PIK3C2B: variants seen among roughly 807,000 people sequenced by gnomAD.
PIK3C2B encodes phosphatidylinositol 4-phosphate 3-kinase C2 domain-containing subunit beta.
A neutral mutation model predicts 184.3 loss-of-function variants in PIK3C2B; 83 were observed. That is an observed-to-expected ratio of 0.45 (90% CI 0.38 to 0.54). PIK3C2B has a LOEUF of 0.54. Ranked by LOEUF, PIK3C2B falls within the 20% of genes least tolerant of loss-of-function variation. PIK3C2B has a pLI of 0.00. For missense variants in PIK3C2B, 1,736 were observed against 2,113.5 expected, an observed-to-expected ratio of 0.82 and a Z score of 3.50; for synonymous variants, 779 against 837.6, an observed-to-expected ratio of 0.93 and a Z score of 1.21.
intron 1 of PIK3C2B, among the ~76,000 whole-genome samples, chr1:204,490,727 C>CA (rs1461879482): frequency 6.7e-6 from 1 of 150,176 alleles, no homozygotes; most frequent in Non-Finnish European, 1.5e-5. Context: ...AGTTCGAGAT[C>CA]AGTCTAGGCA....
intron 27 of PIK3C2B, 28 bp downstream of exon 27, chr1:204,432,172 A>G (rs1350852269): frequency 6.3e-7 from 1 of 1,598,056 alleles, no homozygotes; most frequent in East Asian, 2.2e-5. Flanking sequence ...AGAGCAGGAA[A>G]GGGGGTCAGA....
Position 204,454,683 on chromosome 1 carries a change from G to A in PIK3C2B, c.2052C>T (p.Ile684=), listed in dbSNP as rs61762608. 54,072 of 1,612,666 alleles carry A rather than the reference G, an allele frequency of 0.034. 1,050 individuals carry two copies. The highest frequency in any genetic ancestry group is 0.047 in the South Asian group (4,243 of 91,034). ...AHFSKYLFHL[I]VWDQQICFPV... is the part of the protein sequence containing the mutation. The stretch of plus-strand genomic sequence containing the variant: ...GAAGGGCTTACTGCTGGTCCCAGAC[G>A]ATGAGGTGGAAGAGGTACTTGGAGA... The change falls in exon 12 of 33, where the codon ATC becomes ATT. Residue 684 remains isoleucine (I), a synonymous_variant. Transcript: ENST00000684373.
At chr1:204,439,614 G>C (rs1675534549) in intron 22 of PIK3C2B, among the ~76,000 whole-genome samples, 1 of 151,926 alleles carries the variant, frequency 6.6e-6, no homozygotes, top group Non-Finnish European at 1.5e-5. Flanking sequence ...TCCCCCAACT[G>C]TCTCTCTCCT....
chr1:204,484,565 C>T (rs10793763), intron 1 of PIK3C2B, among the ~76,000 whole-genome samples: 95,562 of 151,854 alleles, frequency 0.63, 31,730 homozygotes, highest in Non-Finnish European at 0.72. Context: ...AAAGCCCGTC[C>T]CTACTAAAAA....
chr1:204,469,222 A>G lies in PIK3C2B; in HGVS notation c.581T>C (p.Leu194Ser), dbSNP rs913076533. The change falls in exon 2 of 33, where the codon TTG becomes TCG. Residue 194 changes from leucine to serine, a missense_variant. Coordinates refer to ENST00000684373, the MANE Select transcript of PIK3C2B (RefSeq NM_001377334.1). ...CAGTTTGCCCGGCAATTGTTCGACC[A>G]AAGAGAAAGTGTTGATGTCACTGGG... ...SQPSDINTFS[L>S]VEQLPGKLLE... The G allele has an allele frequency of 2.5e-6, 4 of 1,605,684 alleles. No homozygotes were observed. The highest frequency in any genetic ancestry group is 3.4e-6 in the Non-Finnish European group (4 of 1,174,882).
chr1:204,434,075 AC>A, intron 24 of PIK3C2B, 126 bp from the exon 25 acceptor site: 2 of 739,576 alleles, frequency 2.7e-6, no homozygotes, highest in Non-Finnish European at 2.3e-6. Flanking sequence ...AGGGGCTCTA[AC>A]TTTTTTCTTT....
intron 29 of PIK3C2B, chr1:204,428,943 G>C (rs1270744074): frequency 2.2e-6 from 1 of 454,536 alleles, no homozygotes; most frequent in Non-Finnish European, 4.4e-6. Context: ...GAAAAAACAG[G>C]CCGAGCGCAG....
At chr1:204,425,829 C>T in intron 31 of PIK3C2B, 88 bp from the exon 32 acceptor site, 1 of 1,236,868 alleles carries the variant, frequency 8.1e-7, no homozygotes, top group Non-Finnish European at 1.2e-6. Context: ...CTGATCCAGA[C>T]TCTCATCTGC....
In PIK3C2B at chr1:204,469,550, A is replaced by G. The variant is rs753662560; in HGVS notation, c.253T>C (p.Ser85Pro). The G allele has an allele frequency of 8.1e-6, 13 of 1,596,844 alleles. No homozygotes were observed. Among genetic ancestry groups the G allele is most frequent in the Non-Finnish European group, 1.1e-5 (13 of 1,171,446 alleles). The change falls in exon 2 of 33, where the codon TCT (serine) becomes CCT (proline). Residue 85 changes from serine to proline, a missense_variant. Ser to Pro is a moderately conservative substitution (Grantham distance 74). Around this residue, in one of 8 missense-constraint regions of PIK3C2B, gnomAD observed 404 missense variants for 418.0 expected, o/e 0.97. Coordinates refer to ENST00000684373, the MANE Select transcript of PIK3C2B (RefSeq NM_001377334.1). ...TAGTTAAGGGTAGGATCAGAGCCAG[A>G]GAGACCGCGTAACAGCTTGAGGTCG... is the stretch of plus-strand genomic sequence containing the variant. The part of the protein sequence containing the change: ...RTDLKLLRGL[S>P]GSDPTLNYNS...
chr1:204,474,602 T>C (rs1179858455), intron 1 of PIK3C2B, among the ~76,000 whole-genome samples: 2 of 152,172 alleles, frequency 1.3e-5, no homozygotes, highest in Non-Finnish European at 2.9e-5. Flanking sequence ...CTCCTCCTTC[T>C]TTGTCTTCCT....
At chr1:204,484,776 G>C (rs1418382952) in intron 1 of PIK3C2B, among the ~76,000 whole-genome samples, 1 of 151,256 alleles carries the variant, frequency 6.6e-6, no homozygotes, top group Non-Finnish European at 1.5e-5. Context: ...GATTATTCTA[G>C]AACACCTCCA....
intron 10 of PIK3C2B, among the ~76,000 whole-genome samples, 164 bp downstream of exon 10, chr1:204,456,873 A>AACACACACACACAC (rs747482741): frequency 4.9e-5 from 7 of 141,510 alleles, no homozygotes; most frequent in Admixed American, 2.8e-4. Flanking sequence ...CTCATATAGG[A>AACACACACACACAC]ACACACACAC....
intron 1 of PIK3C2B, among the ~76,000 whole-genome samples, chr1:204,480,479 A>G (rs954623978): frequency 6.6e-6 from 1 of 151,622 alleles, no homozygotes; most frequent in South Asian, 2.1e-4. Flanking sequence ...ACTCAGAAAC[A>G]CTCTTGGCCC....
intron 26 of PIK3C2B, among the ~76,000 whole-genome samples, 161 bp from the exon 27 acceptor site, chr1:204,432,562 C>A (rs186270006): frequency 6.6e-6 from 1 of 152,264 alleles, no homozygotes; most frequent in Admixed American, 6.5e-5. Context: ...GACTGGCACA[C>A]AATAATCTCA....
rs1247891140 is a variant in PIK3C2B at position 204,442,586 on chromosome 1, G to C, written c.3096C>G (p.Leu1032=). 1 of 1,556,818 alleles carries C rather than the reference G, an allele frequency of 6.4e-7. No homozygotes were observed. Among genetic ancestry groups the C allele is most frequent in the African/African-American group, 1.4e-5 (1 of 73,506 alleles). The part of the protein sequence containing the change: ...GLEEVKQFFA[L]NGSCRLPLSP... Reference sequence around the variant, plus strand: ...TGAGTGGCAAGCGGCACGAGCCATTGAGGGCAAAGAACTGCTTCACCTCCT... The same window carrying C: ...TGAGTGGCAAGCGGCACGAGCCATTCAGGGCAAAGAACTGCTTCACCTCCT... Residue 1032 remains leucine, a synonymous_variant, in exon 20 of 33, where the codon CTC becomes CTG. Transcript: ENST00000684373.
intron 29 of PIK3C2B, 70 bp from the exon 30 acceptor site, chr1:204,428,290 G>A (rs1462938949): frequency 3.3e-6 from 3 of 906,920 alleles, no homozygotes; most frequent in African/African-American, 3.3e-5. Context: ...GAAGGGGACT[G>A]TTCCAGATGT....
chr1:204,469,656 G>T lies in PIK3C2B; in HGVS notation c.147C>A (p.Ala49=). The T allele has an allele frequency of 6.2e-7, 1 of 1,613,924 alleles. No individual in the cohort carries two copies. The highest frequency in any genetic ancestry group is 8.5e-7 in the Non-Finnish European group (1 of 1,179,938). ...RLRHDKEENR[A]KQNADPSLIS... is the part of the protein sequence containing the mutation. ...TGAGAGAGGGGTCTGCGTTCTGCTT[G>T]GCTCTGTTCTCCTCCTTGTCATGCC... is the stretch of plus-strand genomic sequence containing the variant. Residue 49 remains alanine, a synonymous_variant, in exon 2 of 33, where the codon GCC becomes GCA. Transcript: ENST00000684373.
rs1655242348 is a variant in PIK3C2B at position 204,460,543 on chromosome 1, C to A, written c.1422+7G>T. The A allele has an allele frequency of 6.2e-7, 1 of 1,611,230 alleles. No homozygotes were observed. Among genetic ancestry groups the A allele is most frequent in the South Asian group, 1.1e-5 (1 of 91,020 alleles). ...CCTGGGCAACCCTCCACCACCCTCA[C>A]ACGAACCGTCCGGGCCAGGTCACTG... On this transcript the variant is annotated splice_region_variant and intron_variant, in intron 6 of 32. Transcript: ENST00000684373.
intron 2 of PIK3C2B, chr1:204,466,818 G>A: frequency 1.9e-6 from 1 of 531,822 alleles, no homozygotes; most frequent in African/African-American, 1.9e-5. Context: ...TGCTGGCTGG[G>A]GGAGTCTGCC....
Sources: allele counts gnomAD v4.1 joint callset (sites outside exome capture counted in the v4.1 genomes callset), GRCh38; gene constraint gnomAD v4.1.1; regional missense constraint gnomAD v4.1.1; transcripts MANE v1.5; gene names NCBI Gene and HGNC (gene_info 2026-07-23, HGNC 2026-07-21).